The following TOM1L2 variants were observed in gnomAD, a reference collection of about 807,000 sequenced individuals.
TOM1L2 encodes the protein target of myb1 like 2 membrane trafficking protein, also known as TOM1-like protein 2.
A neutral mutation model predicts 67.9 loss-of-function variants in TOM1L2; 31 were observed. The observed-to-expected ratio is 0.46, with a 90% confidence interval of 0.34 to 0.62. The LOEUF (loss-of-function observed/expected upper bound fraction) is 0.62. Ranked by LOEUF, TOM1L2 falls within the 20% of genes least tolerant of loss-of-function variation. TOM1L2 has a pLI of 0.01. For missense variants in TOM1L2, 606 were observed against 663.5 expected (o/e 0.91, Z 0.95); for synonymous variants, 256 against 254.0 (o/e 1.01, Z -0.07).
At chr17:17,930,902 A>G (rs904594388) in intron 1 of TOM1L2, among the ~76,000 whole-genome samples, 2 of 152,218 alleles carry the variant, frequency 1.3e-5, no homozygotes, top group Non-Finnish European at 2.9e-5. Context: ...AATAAAAGGC[A>G]TTCCTCTAGG....
intron 1 of TOM1L2, among the ~76,000 whole-genome samples, chr17:17,966,959 A>C (rs1164257565): frequency 6.6e-6 from 1 of 152,108 alleles, no homozygotes; most frequent in Non-Finnish European, 1.5e-5. Flanking sequence ...CAGCTTTGGG[A>C]CTCAGACTGG....
At chr17:17,913,356 G>C (rs1182972587) in intron 1 of TOM1L2, among the ~76,000 whole-genome samples, 1 of 151,404 alleles carries the variant, frequency 6.6e-6, no homozygotes, top group Admixed American at 6.6e-5. Flanking sequence ...GCAGACTGGA[G>C]TTGCCAGCCT....
chr17:17,895,818 A>G (rs1407762110), intron 3 of TOM1L2, among the ~76,000 whole-genome samples: 1 of 152,198 alleles, frequency 6.6e-6, no homozygotes, highest in East Asian at 1.9e-4. Context: ...TAACCCTGTA[A>G]GATGGGAATC....
rs796284800 is a variant in TOM1L2 at position 17,913,258 on chromosome 17, CGGGAGA to C, written c.53-5733_53-5728del. Among the ~76,000 whole-genome samples the C allele has an allele frequency of 9.0e-4, 129 of 143,336 alleles. 2 individuals carry two copies. Among genetic ancestry groups the C allele is most frequent in the South Asian group, 3.0e-3 (14 of 4,638 alleles). 94.0% of individuals were successfully genotyped at this position (143,336 alleles called of 152,430 possible). A position where few individuals can be genotyped will look rare whatever the true frequency, so the allele number is the denominator to read the frequency against. On this transcript the variant is annotated intron_variant, in intron 1 of 14. Transcript: ENST00000379504. Reference sequence around the variant, plus strand: ...GGAGACGGGGGAGACCGTGGGGAGACGGGAGAGGGAGAGGGAGAGGGAGAGCTGGAT... The same window carrying C: ...GGAGACGGGGGAGACCGTGGGGAGACGGGAGAGGGAGAGGGAGAGCTGGAT...
chr17:17,939,910 G>A (rs545470543), intron 1 of TOM1L2, among the ~76,000 whole-genome samples: 1 of 152,178 alleles, frequency 6.6e-6, no homozygotes, highest in East Asian at 1.9e-4. Context: ...TTCTGCTTTG[G>A]GCCAGGTGTG....
At chr17:17,910,156 G>T (rs530701796) in intron 1 of TOM1L2, among the ~76,000 whole-genome samples, 3 of 152,330 alleles carry the variant, frequency 2.0e-5, no homozygotes, top group African/African-American at 7.2e-5. Context: ...GAGTAGCAGG[G>T]TGGGGATCAG....
Position 17,898,736 on chromosome 17 carries a change from G to C in TOM1L2, c.138-62C>G. 1.9e-6 allele frequency: 3 copies of C among 1,546,088 alleles called. No individual in the cohort carries two copies. The South Asian group carries it at 3.4e-5, about 17-fold the overall frequency. Reference sequence around the variant, plus strand: ...TCCCACTTGAGGACACGATCCTACAGATATGTGAACTAGTATATATGCAAG... The same window carrying C: ...TCCCACTTGAGGACACGATCCTACACATATGTGAACTAGTATATATGCAAG... On this transcript the variant is annotated intron_variant, in intron 2 of 14. Coordinates refer to ENST00000379504, the MANE Select transcript of TOM1L2 (RefSeq NM_001082968.2).
At chr17:17,848,886 T>A (rs749155020) in intron 13 of TOM1L2, 27 bp from the exon 14 acceptor site, 1 of 1,613,966 alleles carries the variant, frequency 6.2e-7, no homozygotes, top group South Asian at 1.1e-5. Flanking sequence ...GAAAATGAAA[T>A]TAGGGCACTG....
chr17:17,867,344 G>A (rs1315069478), intron 8 of TOM1L2, among the ~76,000 whole-genome samples: 1 of 152,186 alleles, frequency 6.6e-6, no homozygotes, highest in African/African-American at 2.4e-5. Context: ...GAAAGGGGGT[G>A]GGGCACACAT....
At chr17:17,936,499 T>A (rs773084795) in intron 1 of TOM1L2, among the ~76,000 whole-genome samples, 1 of 152,156 alleles carries the variant, frequency 6.6e-6, no homozygotes, top group Admixed American at 6.5e-5. Context: ...ATTTATTATA[T>A]GTAAATAATC....
chr17:17,851,291 A>G, intron 12 of TOM1L2: 1 of 354,748 alleles, frequency 2.8e-6, no homozygotes, highest in African/African-American at 2.1e-5. Context: ...GCTGCAAAAC[A>G]CCTTCTAACT....
intron 1 of TOM1L2, among the ~76,000 whole-genome samples, chr17:17,962,603 C>T (rs1273065082): frequency 2.6e-5 from 4 of 152,030 alleles, no homozygotes; most frequent in South Asian, 2.1e-4. Flanking sequence ...CATGAGCCAC[C>T]GCGACTGGCC....
intron 12 of TOM1L2, among the ~76,000 whole-genome samples, chr17:17,860,651 G>A (rs2036505873): frequency 6.6e-6 from 1 of 152,240 alleles, no homozygotes; most frequent in Non-Finnish European, 1.5e-5. Flanking sequence ...CCAGACAGGA[G>A]TTCCAGCTGT....
At chr17:17,883,123 C>T (rs569407926) in intron 5 of TOM1L2, among the ~76,000 whole-genome samples, 79 of 152,302 alleles carry the variant, frequency 5.2e-4, no homozygotes, top group African/African-American at 1.9e-3. Context: ...CTCCAAAAGG[C>T]AGCACCGAGA....
chr17:17,889,446 G>GCTAGTGTGGAGCCCAA (rs1165756163), intron 4 of TOM1L2, among the ~76,000 whole-genome samples: 3 of 152,138 alleles, frequency 2.0e-5, no homozygotes, highest in Admixed American at 2.0e-4. Context: ...CTTTGGAAAA[G>GCTAGTGTGGAGCCCAA]CTAGTGTGGA....
intron 1 of TOM1L2, among the ~76,000 whole-genome samples, chr17:17,955,300 G>A (rs1010656475): frequency 5.3e-5 from 8 of 151,056 alleles, no homozygotes; most frequent in African/African-American, 1.2e-4. Context: ...TAGTGGGAAC[G>A]GCAGGACCCC....
intron 1 of TOM1L2, among the ~76,000 whole-genome samples, chr17:17,937,536 G>A (rs1481337843): frequency 1.3e-5 from 2 of 152,154 alleles, no homozygotes; most frequent in Non-Finnish European, 2.9e-5. Context: ...CTGCCTTTTT[G>A]TGTCACCAGT....
intron 1 of TOM1L2, among the ~76,000 whole-genome samples, chr17:17,955,792 G>C (rs2041413332): frequency 1.3e-5 from 2 of 152,122 alleles, no homozygotes; most frequent in South Asian, 2.1e-4. Context: ...GCGTGTCTGG[G>C]GTTTGTTCCT....
chr17:17,906,277 C>T (rs540274075), intron 2 of TOM1L2, among the ~76,000 whole-genome samples: 33 of 152,002 alleles, frequency 2.2e-4, no homozygotes, highest in Admixed American at 2.1e-3. Context: ...TACAGGTGTG[C>T]ACCACCACGC....
Sources: gnomAD v4.1 joint callset for allele counts (sites outside exome capture counted in the v4.1 genomes callset) on GRCh38, gnomAD v4.1.1 for gene constraint, MANE v1.5 for transcripts, NCBI Gene and HGNC (gene_info 2026-07-23, HGNC 2026-07-21) for gene names.